The following CADM2 variants were observed in gnomAD, a reference collection of about 807,000 sequenced individuals.
CADM2 encodes immunoglobulin superfamily member 4D.
In CADM2, 12 loss-of-function variants were observed where a neutral mutation model predicts 49.8. The ratio of observed to expected loss-of-function variants is 0.24; its 90% CI spans 0.15 to 0.39. The LOEUF is 0.39. CADM2 is among the 10% of genes least tolerant of loss of function. The probability of loss-of-function intolerance (pLI) is 1.00; values close to 1 mark genes in which losing one functional copy is unlikely to be tolerated. For synonymous variants in CADM2, 214 were observed against 175.4 expected, an observed-to-expected ratio of 1.22 and a Z score of -1.74; for missense variants, 378 against 492.3, an observed-to-expected ratio of 0.77 and a Z score of 2.20.
At chr3:85,159,180 T>A (rs2040237715) in intron 1 of CADM2, among the ~76,000 whole-genome samples, 1 of 152,242 alleles carries the variant, frequency 6.6e-6, no homozygotes. Flanking sequence ...TGCATCATAT[T>A]CTGTCATAGA....
intron 1 of CADM2, among the ~76,000 whole-genome samples, chr3:85,504,242 G>A (rs578203321): frequency 6.6e-6 from 1 of 151,568 alleles, no homozygotes; most frequent in South Asian, 2.1e-4. Flanking sequence ...TAGCTCTTAA[G>A]GTGGCGCGTC....
At chr3:85,093,924 G>A (rs1189323541) in intron 1 of CADM2, among the ~76,000 whole-genome samples, 1 of 152,024 alleles carries the variant, frequency 6.6e-6, no homozygotes, top group African/African-American at 2.4e-5. Context: ...AAAGATTGAA[G>A]GTAAGGTAAT....
At chr3:85,508,279 TC>T (rs1465102391) in intron 1 of CADM2, among the ~76,000 whole-genome samples, 1 of 151,998 alleles carries the variant, frequency 6.6e-6, no homozygotes, top group Admixed American at 6.6e-5. Flanking sequence ...ATTAGACATT[TC>T]CCCCCCAAAA....
intron 1 of CADM2, among the ~76,000 whole-genome samples, chr3:85,316,212 C>T (rs1195574708): frequency 6.6e-6 from 1 of 152,072 alleles, no homozygotes; most frequent in East Asian, 1.9e-4. Context: ...CATGTCTATG[C>T]TTTAAAAATA....
intron 1 of CADM2, among the ~76,000 whole-genome samples, chr3:85,514,155 A>G (rs1379796130): frequency 6.6e-6 from 1 of 152,028 alleles, no homozygotes; most frequent in Admixed American, 6.5e-5. Context: ...TGGAGGATTA[A>G]TGAAAACACA....
At chr3:85,321,898 T>C (rs769737911) in intron 1 of CADM2, among the ~76,000 whole-genome samples, 23 of 152,248 alleles carry the variant, frequency 1.5e-4, no homozygotes, top group Admixed American at 2.6e-4. Flanking sequence ...GTTTATAGTA[T>C]GGAATAGTGT....
chr3:85,823,200 A>G (rs994921270), intron 3 of CADM2, among the ~76,000 whole-genome samples: 5 of 152,194 alleles, frequency 3.3e-5, no homozygotes, highest in Non-Finnish European at 5.9e-5. Context: ...GCTATAATCA[A>G]CATCTATGTT....
At chr3:85,239,740 G>T (rs2042487545) in intron 1 of CADM2, among the ~76,000 whole-genome samples, 1 of 151,114 alleles carries the variant, frequency 6.6e-6, no homozygotes, top group Admixed American at 6.6e-5. Context: ...TTTGGCCAAA[G>T]ATACTGAAAA....
At chr3:85,454,967 T>A (rs1253732561) in intron 1 of CADM2, among the ~76,000 whole-genome samples, 1 of 152,218 alleles carries the variant, frequency 6.6e-6, no homozygotes, top group Non-Finnish European at 1.5e-5. Flanking sequence ...TTGGTTGTTG[T>A]AAGTCATTGC....
At chr3:85,082,009 A>G (rs570828257) in intron 1 of CADM2, among the ~76,000 whole-genome samples, 2 of 152,254 alleles carry the variant, frequency 1.3e-5, no homozygotes, top group South Asian at 4.1e-4. Context: ...TCCTTCACAA[A>G]CCATTCTATT....
intron 1 of CADM2, among the ~76,000 whole-genome samples, chr3:85,694,625 T>C (rs1475440837): frequency 6.6e-6 from 1 of 152,216 alleles, no homozygotes; most frequent in Non-Finnish European, 1.5e-5. Flanking sequence ...TTTATAAATA[T>C]TTATTCATAC....
chr3:85,515,631 A>ATATATATATATTT (rs1159969286), intron 1 of CADM2, among the ~76,000 whole-genome samples: 179 of 118,374 alleles, frequency 1.5e-3, no homozygotes, highest in African/African-American at 5.7e-3. Context: ...ATATATATAT[A>ATATATATATATTT]TTTTTTTTTT....
chr3:85,660,432 G>A (rs772644036), intron 1 of CADM2, among the ~76,000 whole-genome samples: 63 of 134,674 alleles, frequency 4.7e-4, no homozygotes, highest in Admixed American at 1.2e-3. Flanking sequence ...TAGGCTTTTC[G>A]CTCTCCTGTT....
chr3:85,877,500 T>G (rs1712055987), intron 3 of CADM2, among the ~76,000 whole-genome samples: 1 of 152,046 alleles, frequency 6.6e-6, no homozygotes, highest in Non-Finnish European at 1.5e-5. Context: ...TGGTCTCTGA[T>G]TAACTACGGC....
At chr3:85,862,443 T>C (rs1454479089) in intron 3 of CADM2, among the ~76,000 whole-genome samples, 1 of 152,182 alleles carries the variant, frequency 6.6e-6, no homozygotes, top group Non-Finnish European at 1.5e-5. Context: ...ATTACAAGAA[T>C]TGAATTATAT....
intron 8 of CADM2, among the ~76,000 whole-genome samples, chr3:85,971,865 C>T (rs1031832873): frequency 9.2e-5 from 14 of 151,610 alleles, no homozygotes; most frequent in African/African-American, 3.1e-4. Flanking sequence ...CTGACAGTTA[C>T]CGCCTACAGT....
rs141992493 is a variant in CADM2 at position 85,063,714 on chromosome 3, T to C, written c.61+104046T>C. Among the ~76,000 whole-genome samples the C allele has an allele frequency of 2.7e-3, 405 of 152,146 alleles. 3 individuals are homozygous for C. Among genetic ancestry groups the C allele is most frequent in the African/African-American group, 9.1e-3 (379 of 41,526 alleles). On this transcript the variant is annotated intron_variant, in intron 1 of 9. Coordinates refer to ENST00000383699, the MANE Select transcript of CADM2 (RefSeq NM_001167675.2). ...TGAAGTGGACTGTTTTATTAATATT[T>C]TGAAATGGAGTAAAAATTTTTTGAA...
chr3:85,110,828 A>G (rs2038429150), intron 1 of CADM2, among the ~76,000 whole-genome samples: 1 of 151,818 alleles, frequency 6.6e-6, no homozygotes, highest in African/African-American at 2.4e-5. Flanking sequence ...AGAAGGAAGG[A>G]TCTCAGCGTT....
At chr3:85,448,716 C>A (rs1274952530) in intron 1 of CADM2, among the ~76,000 whole-genome samples, 1 of 151,984 alleles carries the variant, frequency 6.6e-6, no homozygotes, top group Non-Finnish European at 1.5e-5. Flanking sequence ...CCAGTCGTCT[C>A]AGTACTACCT....
Sources: gnomAD v4.1 joint callset for allele counts (sites outside exome capture counted in the v4.1 genomes callset) on GRCh38, gnomAD v4.1.1 for gene constraint, MANE v1.5 for transcripts, NCBI Gene and HGNC (gene_info 2026-07-23, HGNC 2026-07-21) for gene names.